The following ABHD2 variants were observed in gnomAD, a reference collection of about 807,000 sequenced individuals.
ABHD2 encodes monoacylglycerol lipase ABHD2.
A neutral mutation model predicts 48.1 loss-of-function variants in ABHD2; 20 were observed. That is an observed-to-expected ratio of 0.42 (90% confidence interval 0.29 to 0.60). ABHD2 has a LOEUF of 0.60. ABHD2 is among the 20% of genes least tolerant of loss of function. The pLI is 0.24. For missense variants in ABHD2, 405 were observed against 550.9 expected, an observed-to-expected ratio of 0.74 and a Z score of 2.65; for synonymous variants, 209 against 214.2, an observed-to-expected ratio of 0.98 and a Z score of 0.21.
At chr15:89,095,063 CAAA>C (rs72090062) in intron 1 of ABHD2, among the ~76,000 whole-genome samples, 24 of 53,782 alleles carry the variant, frequency 4.5e-4, no homozygotes, top group African/African-American at 1.3e-3. Flanking sequence ...GACTGTGTCT[CAAA>C]AAAAAAAAAA....
chr15:89,153,699 T>G (rs1049406254), intron 4 of ABHD2, among the ~76,000 whole-genome samples: 1 of 152,214 alleles, frequency 6.6e-6, no homozygotes, highest in African/African-American at 2.4e-5. Flanking sequence ...TTTTTCTGAC[T>G]ATAAAAGAAG....
chr15:89,083,405 C>T (rs1431573218), upstream of ABHD2, among the ~76,000 whole-genome samples: 2 of 152,138 alleles, frequency 1.3e-5, no homozygotes, highest in African/African-American at 4.8e-5. The surrounding 1 kb of genome is among the most constrained non-coding windows in gnomAD (Gnocchi z 5.1). Flanking sequence ...AAGAAGTCAT[C>T]ATTAGCCAGT....
At chr15:89,043,050 T>A in the ABHD2 span, among the ~76,000 whole-genome samples, 3 of 152,350 alleles carry the variant, frequency 2.0e-5, no homozygotes, top group Admixed American at 2.0e-4. Context: ...TCTGCTTTGA[T>A]GCCTATGCTG....
At chr15:89,150,479 A>T (rs1413895160) in intron 3 of ABHD2, among the ~76,000 whole-genome samples, 2 of 152,150 alleles carry the variant, frequency 1.3e-5, no homozygotes, top group South Asian at 2.1e-4. Context: ...CTGTGGTGTT[A>T]CGCTGGCAAG....
the ABHD2 span, among the ~76,000 whole-genome samples, chr15:89,045,334 A>G: frequency 6.6e-6 from 1 of 152,088 alleles, no homozygotes; most frequent in African/African-American, 2.4e-5. Flanking sequence ...GAAGTCAGGT[A>G]GTGTGACGCC....
the ABHD2 span, among the ~76,000 whole-genome samples, chr15:89,067,305 C>G: frequency 1.3e-5 from 2 of 152,204 alleles, no homozygotes; most frequent in Admixed American, 1.3e-4. Context: ...ACAACTGTGA[C>G]AGTTTAGCAT....
chr15:89,181,140 C>A (rs61440962), intron 6 of ABHD2, among the ~76,000 whole-genome samples: 1 of 139,028 alleles, frequency 7.2e-6, no homozygotes. Flanking sequence ...GCAGGAAAAT[C>A]TCTTGAACCC....
chr15:89,103,896 A>T (rs949468580), intron 1 of ABHD2: 2 of 152,058 alleles, frequency 1.3e-5, no homozygotes, highest in Admixed American at 1.3e-4. Context: ...TCCCTTTTTC[A>T]TTTCAGGCAC....
chr15:89,163,208 T>C (rs1411631746), intron 5 of ABHD2, among the ~76,000 whole-genome samples: 1 of 152,202 alleles, frequency 6.6e-6, no homozygotes, highest in Non-Finnish European at 1.5e-5. Flanking sequence ...TCTGAGAAAA[T>C]TATAAAGGAT....
chr15:89,169,687 C>G (rs1014312594), intron 5 of ABHD2, among the ~76,000 whole-genome samples: 1 of 152,178 alleles, frequency 6.6e-6, no homozygotes, highest in African/African-American at 2.4e-5. Flanking sequence ...AACCATTGCT[C>G]CAGCATGAGT....
rs924065473 is a variant in ABHD2, at chr15:89,134,397, A to G, written c.195-17280A>G. On this transcript the variant is annotated intron_variant, in intron 3 of 10. Coordinates refer to ENST00000352732, the MANE Select transcript of ABHD2 (RefSeq NM_152924.5). ...TTTGTCCAACACTATTAAACAATCC[A>G]TCTTTACCCCATTATTCAAATGCCA... Among the ~76,000 whole-genome samples the G allele has an allele frequency of 5.9e-5, 9 of 152,140 alleles. 1 individual carries two copies. Among genetic ancestry groups the G allele is most frequent in the Admixed American group, 2.0e-4 (3 of 15,280 alleles).
rs1200469925 is a variant in ABHD2 at position 89,200,200 on chromosome 15, A to AT, written c.*4778dup. ...ACTTTTAATTAAAAAGTAAATTTTA[A>AT]TGTCGAAAATGCAAACTTGGGGAGG... On this transcript the variant is annotated 3_prime_UTR_variant, in exon 11 of 11. Transcript: ENST00000352732. 4 of 152,216 alleles carry AT rather than the reference A, an allele frequency of 2.6e-5. No individual in the cohort carries two copies. Among genetic ancestry groups the AT allele is most frequent in the African/African-American group, 9.7e-5 (4 of 41,448 alleles). 9.4% of individuals were successfully genotyped at this position (152,216 alleles called of 1,614,324 possible).
At position 89,167,429 on chromosome 15, in the gene ABHD2, C is replaced by T. The variant is rs1326833709; in HGVS notation, c.539-8383C>T. Among the ~76,000 whole-genome samples the T allele has an allele frequency of 6.6e-6, 1 of 152,148 alleles. No homozygotes were observed. Among genetic ancestry groups the T allele is most frequent in the Admixed American group, 6.5e-5 (1 of 15,288 alleles). On this transcript the variant is annotated intron_variant, in intron 5 of 10. Transcript: ENST00000352732. The surrounding 1 kb of genome is among the most constrained non-coding windows in gnomAD (Gnocchi z 5.5). The stretch of plus-strand genomic sequence containing the variant: ...GCAGAACTCAGACATCGTAGTAAAA[C>T]ACCTGGCAAGATCGTCTGCTGAGAG...
rs951444360 is a variant in ABHD2 at position 89,168,902 on chromosome 15, C to A, written c.539-6910C>A. On this transcript the variant is annotated intron_variant, in intron 5 of 10. Transcript: ENST00000352732. This position sits in a 1 kb window ranked among gnomAD's most constrained non-coding sequence, Gnocchi z 4.8. Reference sequence around the variant, plus strand: ...GACCAGCCTGGGCAACATAGTGGAACCTCCCAGGCAAGTTCGCCCATCTCT... The same window carrying A: ...GACCAGCCTGGGCAACATAGTGGAAACTCCCAGGCAAGTTCGCCCATCTCT... 1.3e-5 allele frequency among the ~76,000 whole-genome samples: 2 copies of A among 152,074 alleles called. No individual in the cohort carries two copies. The highest frequency in any genetic ancestry group is 4.8e-5 in the African/African-American group (2 of 41,416).
the ABHD2 span, among the ~76,000 whole-genome samples, chr15:89,050,058 C>T: frequency 2.0e-5 from 3 of 152,152 alleles, no homozygotes; most frequent in Non-Finnish European, 4.4e-5. Flanking sequence ...CTAAGACTCC[C>T]TGAGGTAGAA....
In ABHD2 at chr15:89,187,044, G is replaced by A. The variant is rs114634594; in HGVS notation, c.816-1149G>A. ...ATTCAGCTGTGTGCTGGGCACTGAG[G>A]TGCGTGTAGCTCAGCTGAGTTTGAA... On this transcript the variant is annotated intron_variant, in intron 7 of 10. Transcript: ENST00000352732. Among the ~76,000 whole-genome samples the A allele has an allele frequency of 7.1e-3, 1,076 of 152,346 alleles. 14 individuals carry two copies. Among genetic ancestry groups the A allele is most frequent in the African/African-American group, 0.025 (1,028 of 41,568 alleles).
At chr15:89,125,591 C>T (rs1236123333) in intron 3 of ABHD2, among the ~76,000 whole-genome samples, 1 of 152,194 alleles carries the variant, frequency 6.6e-6, no homozygotes, top group Non-Finnish European at 1.5e-5. Context: ...TCTTTTATTA[C>T]TTGGCTGACC....
intron 1 of ABHD2, among the ~76,000 whole-genome samples, chr15:89,110,312 T>C (rs2049853197): frequency 2.0e-5 from 3 of 152,202 alleles, no homozygotes; most frequent in Admixed American, 2.0e-4. Flanking sequence ...TCCGCCCGCC[T>C]CGGCCTGCAA....
At chr15:89,163,141 G>A (rs1353292641) in intron 5 of ABHD2, among the ~76,000 whole-genome samples, 1 of 152,204 alleles carries the variant, frequency 6.6e-6, no homozygotes, top group Non-Finnish European at 1.5e-5. Flanking sequence ...ACTAAAGAGG[G>A]CATTAACATG....
Sources: gnomAD v4.1 joint callset for allele counts (sites outside exome capture counted in the v4.1 genomes callset) on GRCh38, gnomAD v4.1.1 for gene constraint, Gnocchi (gnomAD v3.1) non-coding constraint, MANE v1.5 for transcripts, NCBI Gene and HGNC (gene_info 2026-07-23, HGNC 2026-07-21) for gene names.